The following ARAP2 variants were observed in gnomAD, a reference collection of about 807,000 sequenced individuals.
ARAP2 encodes the protein arf-GAP with Rho-GAP domain, ANK repeat and PH domain-containing protein 2.
Under a neutral mutation model 194.5 loss-of-function variants are expected in ARAP2, and 148 were observed. The ratio of observed to expected loss-of-function variants is 0.76; its 90% CI spans 0.67 to 0.87. The LOEUF (loss-of-function observed/expected upper bound fraction) is 0.87, where lower values mean the gene tolerates loss of function less well. Ranked by LOEUF, ARAP2 falls within the 40% of genes least tolerant of loss-of-function variation. The pLI is 0.00. For synonymous variants in ARAP2, 695 were observed against 683.5 expected (o/e 1.02, Z -0.26); for missense variants, 2,128 against 1,989.7 (o/e 1.07, Z -1.32).
intron 2 of ARAP2, among the ~76,000 whole-genome samples, chr4:36,228,113 G>A (rs959231016): frequency 1.3e-5 from 2 of 152,180 alleles, no homozygotes; most frequent in African/African-American, 2.4e-5. Context: ...ACCGAGCACA[G>A]TGACTAAAGA....
chr4:36,008,947 T>A (rs2109303630), intron 9 of ARAP2, among the ~76,000 whole-genome samples: 1 of 152,090 alleles, frequency 6.6e-6, no homozygotes, highest in East Asian at 1.9e-4. Context: ...TATGAAAAAA[T>A]ATTAATTGTC....
chr4:36,160,260 G>A (rs1470719873), intron 13 of ARAP2, 199 bp downstream of exon 13: 8 of 1,173,940 alleles, frequency 6.8e-6, no homozygotes, highest in Non-Finnish European at 8.4e-6. Flanking sequence ...CAATTATGGA[G>A]GAAGAATTTA....
intron 3 of ARAP2, among the ~76,000 whole-genome samples, chr4:36,047,455 C>T (rs1203717189): frequency 1.3e-5 from 2 of 152,180 alleles, no homozygotes; most frequent in East Asian, 1.9e-4. Flanking sequence ...ATCTAATTAT[C>T]TGGTCTTTTC....
chr4:36,108,592 T>C (rs943508550), intron 26 of ARAP2, among the ~76,000 whole-genome samples: 8 of 152,028 alleles, frequency 5.3e-5, no homozygotes, highest in Non-Finnish European at 1.2e-4. Context: ...ACATCTTCAA[T>C]ATATCTCTCT....
chr4:36,190,398 C>T (rs1166136260), intron 7 of ARAP2, among the ~76,000 whole-genome samples: 8 of 152,196 alleles, frequency 5.3e-5, no homozygotes, highest in Non-Finnish European at 1.0e-4. Flanking sequence ...CTACATTCCT[C>T]ACCACCTTTC....
intron 15 of ARAP2, among the ~76,000 whole-genome samples, chr4:36,156,785 A>T (rs1054196290): frequency 6.6e-6 from 1 of 152,226 alleles, no homozygotes; most frequent in East Asian, 1.9e-4. Flanking sequence ...GTTCACTAAA[A>T]TCATTGCTAT....
rs1026077412 is a variant in ARAP2, at chr4:36,173,000, G to A, written c.1857+4827C>T. ...CAGAACACCAGGGAACATTATGTTG[G>A]GGGGGAATGAGGGAGGATGAGTCTC... On this transcript the variant is annotated intron_variant, in intron 9 of 32. Coordinates refer to ENST00000303965, the MANE Select transcript of ARAP2 (RefSeq NM_015230.4). Among the ~76,000 whole-genome samples, 3 of 152,156 alleles carry A rather than the reference G, an allele frequency of 2.0e-5. No homozygotes were observed. In the South Asian group the frequency reaches 6.2e-4, roughly 32 times the overall value.
In ARAP2 at chr4:36,033,188, C is replaced by G. The variant is rs185865930; in HGVS notation, n.607+12791G>C. ...GATTTATCTTACTTTGGGTATATAC[C>G]CAGTAATGGGATTGCTGGGTCAAAT... is the stretch of plus-strand genomic sequence containing the variant. On this transcript the variant is annotated intron_variant and non_coding_transcript_variant, in intron 5 of 12. Transcript: ENST00000503225. 3.4e-3 allele frequency among the ~76,000 whole-genome samples: 514 copies of G among 152,172 alleles called. 3 individuals carry two copies. Among genetic ancestry groups the G allele is most frequent in the African/African-American group, 0.012 (486 of 41,508 alleles).
chr4:36,113,554 T>G (rs1720562095), intron 26 of ARAP2, among the ~76,000 whole-genome samples: 3 of 151,952 alleles, frequency 2.0e-5, no homozygotes, highest in Admixed American at 2.0e-4. Context: ...CCTTAGTAGG[T>G]AGCAGCTAGA....
At chr4:36,179,706 T>C (rs942748705) in intron 8 of ARAP2, among the ~76,000 whole-genome samples, 5 of 152,206 alleles carry the variant, frequency 3.3e-5, no homozygotes. Flanking sequence ...GAGCCCAGTT[T>C]GGGAAATGGG....
At chr4:36,027,302 GA>G (rs1367111026) in intron 5 of ARAP2, among the ~76,000 whole-genome samples, 1 of 152,002 alleles carries the variant, frequency 6.6e-6, no homozygotes, top group Non-Finnish European at 1.5e-5. Flanking sequence ...TGCAGCTGGT[GA>G]AGGTGAGATT....
At chr4:36,142,107 T>C (rs926991978) in intron 19 of ARAP2, among the ~76,000 whole-genome samples, 2 of 151,700 alleles carry the variant, frequency 1.3e-5, no homozygotes, top group African/African-American at 4.8e-5. Context: ...GCATCACCCA[T>C]GCCAGAAGCT....
intron 19 of ARAP2, among the ~76,000 whole-genome samples, chr4:36,133,653 C>T (rs1004568374): frequency 1.3e-5 from 2 of 151,704 alleles, no homozygotes; most frequent in Non-Finnish European, 2.9e-5. Flanking sequence ...TAAACTAAAA[C>T]CATTGTGGCT....
At chr4:36,161,108 T>A (rs1733800358) in intron 12 of ARAP2, among the ~76,000 whole-genome samples, 1 of 151,508 alleles carries the variant, frequency 6.6e-6, no homozygotes, top group Non-Finnish European at 1.5e-5. Flanking sequence ...CACTCTCCTA[T>A]TATTTTACCC....
At chr4:36,173,488 A>T (rs1737115418) in intron 9 of ARAP2, among the ~76,000 whole-genome samples, 1 of 152,164 alleles carries the variant, frequency 6.6e-6, no homozygotes, top group Admixed American at 6.5e-5. Flanking sequence ...GACATAGACA[A>T]AATTTCTGCA....
rs376371647 is a variant in ARAP2 at position 36,054,026 on chromosome 4, G to A, written n.322-1973C>T. 4.6e-4 allele frequency among the ~76,000 whole-genome samples: 70 copies of A among 152,322 alleles called. No homozygotes were observed. In the East Asian group the frequency reaches 6.7e-3, roughly 15 times the overall value. On this transcript the variant is annotated intron_variant and non_coding_transcript_variant, in intron 2 of 12. Coordinates refer to the ARAP2 transcript ENST00000503225. ...CTGTGTTTAGGGCATGTGACTAACAGAATGCTACATGCTTTCAATAATGGT... is the reference window on the plus strand; with the variant it reads ...CTGTGTTTAGGGCATGTGACTAACAAAATGCTACATGCTTTCAATAATGGT...
rs762338340 is a variant in ARAP2, at chr4:36,117,153, T to C, written c.3964-18A>G. On this transcript the variant is annotated intron_variant, in intron 24 of 32. Coordinates refer to ENST00000303965, the MANE Select transcript of ARAP2 (RefSeq NM_015230.4). ...TGGGAAACCTAGAAAAGGGCAGAGGTAGAAACAACACAGATAAACATATTG... is the reference window on the plus strand; with the variant it reads ...TGGGAAACCTAGAAAAGGGCAGAGGCAGAAACAACACAGATAAACATATTG... 2 of 1,551,012 alleles carry C rather than the reference T, an allele frequency of 1.3e-6. No individual in the cohort carries two copies. The highest frequency in any genetic ancestry group is 1.8e-6 in the Non-Finnish European group (2 of 1,140,892).
chr4:36,210,378 A>C lies in ARAP2; in HGVS notation c.1487+12T>G. ...AATATGCCACTTATGAAATAAATGC[A>C]TACGTACATACCCTTGAGGAGAGAG... is the stretch of plus-strand genomic sequence containing the variant. On this transcript the variant is annotated intron_variant, in intron 6 of 32. Coordinates refer to ENST00000303965, the MANE Select transcript of ARAP2 (RefSeq NM_015230.4). 1 of 1,567,392 alleles carries C rather than the reference A, an allele frequency of 6.4e-7. No individual in the cohort carries two copies. The highest frequency in any genetic ancestry group is 8.6e-7 in the Non-Finnish European group (1 of 1,160,360).
chr4:36,125,529 T>C (rs1279350608), intron 21 of ARAP2, among the ~76,000 whole-genome samples: 1 of 151,866 alleles, frequency 6.6e-6, no homozygotes, highest in East Asian at 1.9e-4. Flanking sequence ...AAGTTGAGAG[T>C]GCAATGGAAG....
Sources: gnomAD v4.1 joint callset for allele counts (sites outside exome capture counted in the v4.1 genomes callset) on GRCh38, gnomAD v4.1.1 for gene constraint, MANE v1.5 for transcripts, NCBI Gene and HGNC (gene_info 2026-07-23, HGNC 2026-07-21) for gene names.